The following PRELID3A variants were observed in gnomAD, a reference collection of about 807,000 sequenced individuals.
PRELID3A encodes the protein PRELI domain containing 3A.
PRELID3A carries 27 observed loss-of-function variants against 23.0 expected under a neutral mutation model. The observed-to-expected ratio is 1.17, with a 90% CI of 0.87 to 1.62. The LOEUF is 1.62. Among genes scored for constraint, PRELID3A ranks in the 40% most tolerant of loss-of-function variants. The probability of loss-of-function intolerance (pLI) is 0.00; values close to 1 mark genes in which losing one functional copy is unlikely to be tolerated. For missense variants in PRELID3A, 231 were observed against 231.4 expected, an observed-to-expected ratio of 1.00 and a Z score of 0.01; for synonymous variants, 87 against 86.4, an observed-to-expected ratio of 1.01 and a Z score of -0.04.
chr18:12,421,350 T>A (rs1374794410), intron 2 of PRELID3A, 190 bp from the exon 3 acceptor site: 1 of 586,660 alleles, frequency 1.7e-6, no homozygotes, highest in Non-Finnish European at 3.0e-6. Flanking sequence ...TGGAATTCAT[T>A]TCTTTGCTCA....
intron 1 of PRELID3A, among the ~76,000 whole-genome samples, chr18:12,413,595 T>A (rs544335527): frequency 1.1e-4 from 16 of 151,394 alleles, no homozygotes; most frequent in African/African-American, 2.9e-4. Flanking sequence ...TTATTTATTT[T>A]TTTTCCAAGA....
chr18:12,422,516 A>G (rs1032980831), intron 3 of PRELID3A, among the ~76,000 whole-genome samples: 1 of 151,674 alleles, frequency 6.6e-6, no homozygotes, highest in African/African-American at 2.4e-5. Flanking sequence ...GTGCCACTAC[A>G]CCTGGCTAAT....
intron 1 of PRELID3A, among the ~76,000 whole-genome samples, chr18:12,413,006 T>C (rs1909965850): frequency 6.6e-6 from 1 of 152,220 alleles, no homozygotes; most frequent in South Asian, 2.1e-4. Flanking sequence ...TTTGGCAATA[T>C]ATAGTTTTGG....
At chr18:12,420,233 G>A (rs752719065) in intron 1 of PRELID3A, 92 bp from the exon 2 acceptor site, 6 of 1,485,600 alleles carry the variant, frequency 4.0e-6, no homozygotes, top group East Asian at 2.5e-5. Flanking sequence ...AGACTAGCGC[G>A]TTGCCCAGGC....
Position 12,429,499 on chromosome 18 carries a change from T to A in PRELID3A, c.*33+63T>A. 26 of 1,107,964 alleles carry A rather than the reference T, an allele frequency of 2.3e-5. No homozygotes were observed. The South Asian group carries it at 3.4e-4, about 15-fold the overall frequency. 68.6% of individuals were successfully genotyped at this position (1,107,964 alleles called of 1,614,324 possible). On this transcript the variant is annotated intron_variant, in intron 6 of 6. Transcript: ENST00000440960. ...AGCCTCTTGTGACCCGTGTGCATGG[T>A]GCACATGGTGAGGGGACGCCAGAAG...
intron 1 of PRELID3A, among the ~76,000 whole-genome samples, chr18:12,412,916 G>A (rs1245556633): frequency 1.3e-5 from 2 of 152,180 alleles, no homozygotes; most frequent in African/African-American, 4.8e-5. Context: ...GAGTGGTGCT[G>A]TTTCTGTTTT....
intron 2 of PRELID3A, chr18:12,421,307 G>C: frequency 2.0e-6 from 1 of 502,168 alleles, no homozygotes; most frequent in South Asian, 2.8e-5. Context: ...TTATTTTGCC[G>C]GGAGCATAGT....
intron 1 of PRELID3A, 132 bp downstream of exon 1, chr18:12,408,139 T>G: frequency 7.3e-6 from 6 of 819,770 alleles, no homozygotes; most frequent in Non-Finnish European, 9.7e-6. Flanking sequence ...GCGCCGGCCG[T>G]TCCCAGACCG....
chr18:12,430,913 CTAT>C (rs1735626293), intron 6 of PRELID3A, among the ~76,000 whole-genome samples: 1 of 144,214 alleles, frequency 6.9e-6, no homozygotes, highest in Non-Finnish European at 1.5e-5. Flanking sequence ...GTGCATGTGT[CTAT>C]GATGTGCATG....
intron 1 of PRELID3A, among the ~76,000 whole-genome samples, chr18:12,418,122 G>C (rs923797950): frequency 2.0e-5 from 3 of 151,966 alleles, no homozygotes; most frequent in Non-Finnish European, 4.4e-5. Context: ...CCTCAAATAT[G>C]GAAGAAAAAA....
intron 1 of PRELID3A, 31 bp from the exon 2 acceptor site, chr18:12,420,288 CGGCGCT>C (rs771201039): frequency 7.7e-6 from 12 of 1,558,878 alleles, no homozygotes; most frequent in Non-Finnish European, 1.0e-5. Context: ...GCCCCGGCCC[CGGCGCT>C]TGCTCACCGC....
intron 3 of PRELID3A, among the ~76,000 whole-genome samples, chr18:12,423,756 A>T (rs1445466499): frequency 6.6e-6 from 1 of 152,164 alleles, no homozygotes; most frequent in Non-Finnish European, 1.5e-5. Flanking sequence ...GCCATGCGCA[A>T]GTACCCGAAC....
At position 12,427,359 on chromosome 18, in the gene PRELID3A, C is replaced by G. The variant is rs757816118; in HGVS notation, c.465+36C>G. 2.0e-5 allele frequency: 29 copies of G among 1,433,590 alleles called. No homozygotes were observed. In the East Asian group the frequency reaches 6.1e-4, roughly 30 times the overall value. The allele number at this position is 1,433,590 out of a possible 1,614,324, so 88.8% of individuals were successfully genotyped here. A position where few individuals can be genotyped will look rare whatever the true frequency, so the allele number is the denominator to read the frequency against. ...CAATCCTAGGAGTCCTGTGTGTGCT[C>G]TAGTTGTTAAGTGCCAGATTAAGAA... On this transcript the variant is annotated intron_variant, in intron 5 of 6. Transcript: ENST00000440960.
At chr18:12,416,736 C>T (rs992162082) in intron 1 of PRELID3A, among the ~76,000 whole-genome samples, 2 of 151,700 alleles carry the variant, frequency 1.3e-5, no homozygotes, top group Non-Finnish European at 2.9e-5. Context: ...AGCTCCGCCT[C>T]CCGGGTTCAC....
At chr18:12,420,031 G>A (rs913142565) in intron 1 of PRELID3A, 3 of 883,274 alleles carry the variant, frequency 3.4e-6, no homozygotes, top group Non-Finnish European at 3.1e-6. Context: ...GAGCCTGGGA[G>A]GTTTGAGTCT....
At chr18:12,429,287 G>A (rs1440289945) in intron 5 of PRELID3A, 63 bp from the exon 6 acceptor site, 11 of 1,438,406 alleles carry the variant, frequency 7.6e-6, no homozygotes, top group Admixed American at 5.0e-5. Flanking sequence ...TGGACTTGTC[G>A]CTTGCTGTCT....
intron 3 of PRELID3A, among the ~76,000 whole-genome samples, chr18:12,421,884 C>T (rs1338767396): frequency 6.6e-6 from 1 of 152,124 alleles, no homozygotes; most frequent in Non-Finnish European, 1.5e-5. Context: ...ATTTGACCAG[C>T]CCCTGAGACC....
intron 3 of PRELID3A, among the ~76,000 whole-genome samples, chr18:12,425,006 G>A (rs2030308380): frequency 6.6e-6 from 1 of 152,114 alleles, no homozygotes. Flanking sequence ...AGCCGGGCAT[G>A]GTGGCGGGTG....
rs555077541 is a variant in PRELID3A at position 12,421,629 on chromosome 18, T to G, written c.291T>G (p.Asn97Lys). The G allele has an allele frequency of 6.2e-7, 1 of 1,603,798 alleles. No individual in the cohort carries two copies. The highest frequency in any genetic ancestry group is 8.5e-7 in the Non-Finnish European group (1 of 1,170,716). The change falls in exon 3 of 7, where the codon AAT becomes AAG. Residue 97 changes from asparagine to lysine, a missense_variant and splice_region_variant. Physicochemically the swap from Asn to Lys is moderately conservative, Grantham distance 94 (BLOSUM62 0). Coordinates refer to ENST00000440960, the MANE Select transcript of PRELID3A (RefSeq NM_001142405.2). ...VEKKMELCSTNITLTNLVSVN... is the reference protein window; with the variant it reads ...VEKKMELCSTKITLTNLVSVN... ...AGAAAATGGAACTTTGTTCTACCAA[T>G]GTAAGCAATGGCCTCAGATGAGAAA...
Sources: allele counts gnomAD v4.1 joint callset (sites outside exome capture counted in the v4.1 genomes callset), GRCh38; gene constraint gnomAD v4.1.1; transcripts MANE v1.5; gene names NCBI Gene and HGNC (gene_info 2026-07-23, HGNC 2026-07-21).